The following INPP5J variants were observed in gnomAD, a reference collection of about 807,000 sequenced individuals.
INPP5J encodes inositol polyphosphate-5-phosphatase J, also known as phosphatidylinositol 4,5-bisphosphate 5-phosphatase A.
Under a neutral mutation model 86.6 loss-of-function variants are expected in INPP5J, and 75 were observed. The observed-to-expected ratio is 0.87, with a 90% CI of 0.72 to 1.05. INPP5J has a LOEUF of 1.05. Ranked by LOEUF, INPP5J falls within the 50% of genes least tolerant of loss-of-function variation. The pLI is 0.00. For synonymous variants in INPP5J, 540 were observed against 550.0 expected (o/e 0.98, Z 0.25); for missense variants, 1,229 against 1,341.2 (o/e 0.92, Z 1.31).
At position 31,126,706 on chromosome 22, in the gene INPP5J, C is replaced by T; in HGVS notation, c.1479C>T (p.Pro493=). ...AGCTGTTCATGGATGCGCTAGGGCC[C>T]TTCAACTTCGTGCTGGTAACGCACC... ...WSELFMDALG[P]FNFVLVSSVR... is the part of the protein sequence containing the mutation. The change falls in exon 4 of 13, where the codon CCC becomes CCT. Residue 493 remains proline, a synonymous_variant. Transcript: ENST00000331075. 1 of 1,613,620 alleles carries T rather than the reference C, an allele frequency of 6.2e-7. No homozygotes were observed. The highest frequency in any genetic ancestry group is 8.5e-7 in the Non-Finnish European group (1 of 1,179,540).
In INPP5J at chr22:31,132,976, C is replaced by T. The variant is rs573073520; in HGVS notation, c.2194-122C>T. On this transcript the variant is annotated intron_variant, in intron 9 of 12. Coordinates refer to ENST00000331075, the MANE Select transcript of INPP5J (RefSeq NM_001284285.2). ...TACTAGACCTGTTCTGCCTCAGTTT[C>T]CCAGTCTGTAAAGTGGCCCTTTGTC... 6.9e-6 allele frequency: 9 copies of T among 1,307,064 alleles called. No homozygotes were observed. The South Asian group carries it at 8.3e-5, about 12-fold the overall frequency. 81.0% of individuals were successfully genotyped at this position (1,307,064 alleles called of 1,614,324 possible).
Position 31,128,211 on chromosome 22 carries a change from C to G in INPP5J, c.1900-3C>G. On this transcript the variant is annotated splice_region_variant and splice_polypyrimidine_tract_variant and intron_variant, in intron 7 of 12. Coordinates refer to ENST00000331075, the MANE Select transcript of INPP5J (RefSeq NM_001284285.2). ...CCAATCTGCTCTCCTGGACCCCCCA[C>G]AGCTCAACATGGCCAAGAACACCTG... 1.9e-6 allele frequency: 3 copies of G among 1,587,386 alleles called. No individual in the cohort carries two copies. The highest frequency in any genetic ancestry group is 2.6e-6 in the Non-Finnish European group (3 of 1,166,178).
Position 31,125,882 on chromosome 22 carries a change from C to T in INPP5J, c.1143C>T (p.Gly381=). 1.2e-6 allele frequency: 2 copies of T among 1,611,412 alleles called. No individual in the cohort carries two copies. The highest frequency in any genetic ancestry group is 1.7e-6 in the Non-Finnish European group (2 of 1,178,326). ...PRLGTQSTGP[G]RCLSPNLQAQ... ...TTGGCACACAGAGTACAGGGCCTGG[C>T]AGGTGCCTGAGCCCCAACCTTCAGG... The change falls in exon 2 of 13, where the codon GGC becomes GGT. Residue 381 remains glycine (G), a synonymous_variant. Coordinates refer to ENST00000331075, the MANE Select transcript of INPP5J (RefSeq NM_001284285.2).
Position 31,133,918 on chromosome 22 carries a change from G to T in INPP5J, c.2520G>T (p.Ser840=), listed in dbSNP as rs200120763. The change falls in exon 13 of 13, where the codon TCG becomes TCT. Residue 840 remains serine, a synonymous_variant. Transcript: ENST00000331075. The part of the protein sequence containing the change: ...LIGITEPFQI[S]LPSSELASSS... ...GTGACCAGCATTTCCCCCAGATCTC[G>T]CTGCCTTCCTCGGAGTTGGCCAGCA... 9.3e-6 allele frequency: 15 copies of T among 1,609,994 alleles called. No individual in the cohort carries two copies. The highest frequency in any genetic ancestry group is 1.7e-5 in the Admixed American group (1 of 59,946).
intron 1 of INPP5J, chr22:31,123,786 A>C (rs920508224): frequency 1.3e-5 from 2 of 152,210 alleles, no homozygotes; most frequent in African/African-American, 4.8e-5. Flanking sequence ...GACAGGGGAC[A>C]TCAGAGAGAA....
Position 31,125,907 on chromosome 22 carries a change from GC to G in INPP5J, c.1171del (p.Gln391LysfsTer68). The G allele has an allele frequency of 6.2e-7, 1 of 1,613,136 alleles. No individual in the cohort carries two copies. The highest frequency in any genetic ancestry group is 8.5e-7 in the Non-Finnish European group (1 of 1,179,588). On this transcript the variant is annotated frameshift_variant, in exon 2 of 13. Transcript: ENST00000331075. LOFTEE classifies it high-confidence loss of function. Reference protein sequence around the residue: ...PGRCLSPNLQAQEAPAPVTTS... With the variant: ...PGRCLSPNLQXQEAPAPVTTS... ...CAGGTGCCTGAGCCCCAACCTTCAG[GC>G]CCAAGAAGCCCCAGCCCCAGTCACC...
chr22:31,127,828 C>T (rs1018249830), intron 6 of INPP5J, 123 bp from the exon 7 acceptor site: 1 of 686,360 alleles, frequency 1.5e-6, no homozygotes, highest in African/African-American at 1.8e-5. Context: ...CACCACTCAC[C>T]CACTCACTAC....
At position 31,133,637 on chromosome 22, in the gene INPP5J, A is replaced by G. The variant is rs761476651; in HGVS notation, c.2437A>G (p.Lys813Glu). ...AACATTCAGTGAGGAATCACTGCCCAAGGGCCATGGAGACTTCATCCTGGG... is the reference window on the plus strand; with the variant it reads ...AACATTCAGTGAGGAATCACTGCCCGAGGGCCATGGAGACTTCATCCTGGG... ...QVTFSEESLP[K>E]GHGDFILGYY... Residue 813 changes from lysine to glutamate, a missense_variant, in exon 12 of 13, where the codon AAG (lysine) becomes GAG (glutamate). By Grantham distance (56) the Lys-to-Glu change is moderately conservative. Transcript: ENST00000331075. 1.9e-6 allele frequency: 3 copies of G among 1,612,654 alleles called. No homozygotes were observed. Among genetic ancestry groups the G allele is most frequent in the Non-Finnish European group, 2.5e-6 (3 of 1,179,358 alleles).
At chr22:31,129,842 C>T (rs1390753513) in intron 9 of INPP5J, among the ~76,000 whole-genome samples, 4 of 152,040 alleles carry the variant, frequency 2.6e-5, no homozygotes, top group African/African-American at 7.2e-5. Flanking sequence ...CACACCCAGC[C>T]TTAGAGCCCG....
At chr22:31,123,516 G>T (rs1009093856) in intron 1 of INPP5J, among the ~76,000 whole-genome samples, 2 of 152,176 alleles carry the variant, frequency 1.3e-5, no homozygotes, top group African/African-American at 4.8e-5. Context: ...GTGATAGTTG[G>T]GGGGAAGCCG....
chr22:31,134,571 G>A lies in INPP5J; in HGVS notation c.*152G>A, dbSNP rs1008769583. On this transcript the variant is annotated 3_prime_UTR_variant, in exon 13 of 13. Coordinates refer to ENST00000331075, the MANE Select transcript of INPP5J (RefSeq NM_001284285.2). The stretch of plus-strand genomic sequence containing the variant: ...GACAACTGGGGTCCCCCAAAACTCA[G>A]TCCTGGCACCTCAACTGTGACAATC... The A allele has an allele frequency of 2.1e-5, 15 of 702,048 alleles. No homozygotes were observed. The African/African-American group carries it at 2.4e-4, about 11-fold the overall frequency. The allele number at this position is 702,048 out of a possible 1,614,324, so 43.5% of individuals were successfully genotyped here.
chr22:31,126,460 C>A lies in INPP5J; in HGVS notation c.1356C>A (p.Asp452Glu), dbSNP rs777048586. ...TSLLHLGGGD[D>E]SDGADMIAIG... ...TCCTCCACCTGGGCGGTGGTGACGACAGCGACGGCGCAGACATGATCGCCA... is the reference window on the plus strand; with the variant it reads ...TCCTCCACCTGGGCGGTGGTGACGAAAGCGACGGCGCAGACATGATCGCCA... Residue 452 changes from aspartate to glutamate, a missense_variant, in exon 3 of 13, where the codon GAC becomes GAA. Coordinates refer to ENST00000331075, the MANE Select transcript of INPP5J (RefSeq NM_001284285.2). The A allele has an allele frequency of 6.2e-7, 1 of 1,613,766 alleles. No individual in the cohort carries two copies. Among genetic ancestry groups the A allele is most frequent in the East Asian group, 2.2e-5 (1 of 44,876 alleles).
intron 9 of INPP5J, among the ~76,000 whole-genome samples, chr22:31,129,232 C>CTTTTT (rs576089657): frequency 0.068 from 5,384 of 79,060 alleles, 473 homozygotes; most frequent in Admixed American, 0.1. Context: ...GTCTGGCCAA[C>CTTTTT]TTTTTTTTTT....
In INPP5J at chr22:31,134,562, C is replaced by A; in HGVS notation, c.*143C>A. ...CCAGGGGTGGACAACTGGGGTCCCC[C>A]AAAACTCAGTCCTGGCACCTCAACT... On this transcript the variant is annotated 3_prime_UTR_variant, in exon 13 of 13. Coordinates refer to ENST00000331075, the MANE Select transcript of INPP5J (RefSeq NM_001284285.2). 1.2e-6 allele frequency: 1 copy of A among 811,620 alleles called. No individual in the cohort carries two copies. Among genetic ancestry groups the A allele is most frequent in the Non-Finnish European group, 1.8e-6 (1 of 569,154 alleles). 50.3% of individuals were successfully genotyped at this position (811,620 alleles called of 1,614,324 possible).
chr22:31,124,300 G>A, intron 1 of INPP5J: 1 of 988,028 alleles, frequency 1.0e-6, no homozygotes, highest in Non-Finnish European at 1.2e-6. Context: ...AAGGGATTTG[G>A]ATGTTTAGGG....
intron 6 of INPP5J, 36 bp from the exon 7 acceptor site, chr22:31,127,905 ACCCCCCACTG>A (rs1169322194): frequency 2.0e-6 from 2 of 994,214 alleles, no homozygotes; most frequent in African/African-American, 1.6e-5. Flanking sequence ...ACCTGTTGAC[ACCCCCCACTG>A]CCCCCCACAT....
Position 31,125,521 on chromosome 22 carries a change from G to C in INPP5J, c.782G>C (p.Gly261Ala). The change falls in exon 2 of 13, where the codon GGT (glycine) becomes GCT (alanine). Residue 261 changes from glycine (G) to alanine (A), a missense_variant. Gly to Ala is a moderately conservative substitution (Grantham distance 60, BLOSUM62 0). Transcript: ENST00000331075. ...CTCCAGCCTCCAGCTCAGACATCTGGTCCTACAGGCTCCCCACCCTGCATC... is the reference window on the plus strand; with the variant it reads ...CTCCAGCCTCCAGCTCAGACATCTGCTCCTACAGGCTCCCCACCCTGCATC... ...GHLQPPAQTS[G>A]PTGSPPCIQT... 1 of 1,550,332 alleles carries C rather than the reference G, an allele frequency of 6.5e-7. No individual in the cohort carries two copies. Among genetic ancestry groups the C allele is most frequent in the Non-Finnish European group, 8.7e-7 (1 of 1,146,912 alleles).
rs560199082 is a variant in INPP5J, at chr22:31,126,929, G to A, written c.1503G>A (p.Ser501=). Residue 501 remains serine, a synonymous_variant, in exon 5 of 13, where the codon TCG becomes TCA. Coordinates refer to ENST00000331075, the MANE Select transcript of INPP5J (RefSeq NM_001284285.2). ...LGPFNFVLVS[S]VRMQGVILLL... is the part of the protein sequence containing the mutation. Reference sequence around the variant, plus strand: ...GTGGCCTCCCGCTGCAGGTGAGTTCGGTGAGGATGCAGGGTGTCATCCTGC... The same window carrying A: ...GTGGCCTCCCGCTGCAGGTGAGTTCAGTGAGGATGCAGGGTGTCATCCTGC... The A allele has an allele frequency of 7.6e-5, 123 of 1,607,910 alleles. No individual in the cohort carries two copies. Among genetic ancestry groups the A allele is most frequent in the African/African-American group, 4.5e-4 (34 of 74,914 alleles).
chr22:31,132,944 G>A (rs941653420), intron 9 of INPP5J, among the ~76,000 whole-genome samples, 154 bp from the exon 10 acceptor site: 7 of 152,188 alleles, frequency 4.6e-5, no homozygotes, highest in African/African-American at 1.7e-4. Context: ...ACAGGGCTTG[G>A]TATTTATACT....
Sources: allele counts gnomAD v4.1 joint callset (sites outside exome capture counted in the v4.1 genomes callset), GRCh38; gene constraint gnomAD v4.1.1; transcripts MANE v1.5; gene names NCBI Gene and HGNC (gene_info 2026-07-23, HGNC 2026-07-21).